Variants in DTNB observed in about 807,000 individuals in gnomAD.
DTNB encodes dystrobrevin beta.
A neutral mutation model predicts 90.7 loss-of-function variants in DTNB; 63 were observed. The ratio of observed to expected loss-of-function variants is 0.69; its 90% CI spans 0.57 to 0.86. DTNB has a LOEUF of 0.86. Among genes scored for constraint, DTNB ranks in the 40% least tolerant of loss-of-function variants. The pLI is 0.00. For missense variants in DTNB, 744 were observed against 807.1 expected, an observed-to-expected ratio of 0.92 and a Z score of 0.95; for synonymous variants, 277 against 286.7, an observed-to-expected ratio of 0.97 and a Z score of 0.34.
intron 9 of DTNB, among the ~76,000 whole-genome samples, chr2:25,503,262 G>A (rs955134714): frequency 2.0e-5 from 3 of 151,852 alleles, no homozygotes; most frequent in Admixed American, 1.3e-4. Flanking sequence ...GGTTGAGACA[G>A]GAGGATCACT....
intron 8 of DTNB, among the ~76,000 whole-genome samples, chr2:25,572,592 C>T (rs559653085): frequency 3.8e-4 from 57 of 151,978 alleles, no homozygotes; most frequent in African/African-American, 1.4e-3. Flanking sequence ...GCATACCCTC[C>T]AGAGGGGCTG....
intron 16 of DTNB, among the ~76,000 whole-genome samples, chr2:25,408,881 T>C (rs540415361): frequency 2.7e-4 from 41 of 152,306 alleles, no homozygotes; most frequent in Non-Finnish European, 5.4e-4. Context: ...AGCTTCATGA[T>C]TTGACGAAAT....
At chr2:25,668,735 G>A (rs1284093101) in intron 1 of DTNB, among the ~76,000 whole-genome samples, 1 of 152,180 alleles carries the variant, frequency 6.6e-6, no homozygotes, top group Non-Finnish European at 1.5e-5. Flanking sequence ...ATTCCATTAT[G>A]TATATTGTTT....
intron 9 of DTNB, among the ~76,000 whole-genome samples, chr2:25,509,746 C>CTTTTTTTTTTTTTT (rs36101268): frequency 1.2e-5 from 1 of 83,738 alleles, no homozygotes; most frequent in African/African-American, 4.9e-5. Flanking sequence ...CTTTTAGATT[C>CTTTTTTTTTTTTTT]TTTTTTTTTT....
intron 10 of DTNB, among the ~76,000 whole-genome samples, chr2:25,459,176 A>C (rs867867325): frequency 1.3e-5 from 2 of 152,038 alleles, no homozygotes; most frequent in African/African-American, 2.4e-5. Context: ...GTAGGTTTAT[A>C]GTTTTTAATG....
At chr2:25,544,509 CTCTT>C (rs2082024137) in intron 8 of DTNB, among the ~76,000 whole-genome samples, 1 of 152,202 alleles carries the variant, frequency 6.6e-6, no homozygotes, top group Non-Finnish European at 1.5e-5. Flanking sequence ...CAATTACTCT[CTCTT>C]TCTGAGCACA....
intron 15 of DTNB, among the ~76,000 whole-genome samples, chr2:25,427,190 C>G (rs2052027148): frequency 6.7e-6 from 1 of 149,642 alleles, no homozygotes; most frequent in South Asian, 2.1e-4. Flanking sequence ...AACACACACA[C>G]ACACACACAC....
intron 7 of DTNB, among the ~76,000 whole-genome samples, chr2:25,579,620 C>A (rs1354825128): frequency 1.3e-5 from 2 of 151,694 alleles, no homozygotes; most frequent in Admixed American, 6.6e-5. Flanking sequence ...GAGATAAGTA[C>A]CATTTTAACT....
At chr2:25,652,740 G>T in intron 1 of DTNB, 79 bp from the exon 2 acceptor site, 1 of 1,468,962 alleles carries the variant, frequency 6.8e-7, no homozygotes. Context: ...ATTGTGAAGA[G>T]GGACCGGAAA....
chr2:25,593,319 G>A (rs147442331), intron 6 of DTNB, among the ~76,000 whole-genome samples: 9 of 152,278 alleles, frequency 5.9e-5, no homozygotes, highest in East Asian at 1.9e-4. Context: ...ATCTGATGAC[G>A]TAAGAGCTGA....
At chr2:25,451,753 G>A (rs2059323864) in intron 11 of DTNB, 118 bp from the exon 12 acceptor site, 1 of 1,006,924 alleles carries the variant, frequency 9.9e-7, no homozygotes, top group African/African-American at 1.6e-5. Flanking sequence ...AAGAACTAGA[G>A]GCCTGGGTCA....
At chr2:25,509,261 C>G (rs1220737240) in intron 9 of DTNB, among the ~76,000 whole-genome samples, 1 of 152,142 alleles carries the variant, frequency 6.6e-6, no homozygotes, top group African/African-American at 2.4e-5. Flanking sequence ...AATGTTCAGT[C>G]TTTTAACATT....
chr2:25,567,168 T>A (rs909116041), intron 8 of DTNB, among the ~76,000 whole-genome samples: 1 of 152,176 alleles, frequency 6.6e-6, no homozygotes, highest in Non-Finnish European at 1.5e-5. Context: ...TAAAAAAAAA[T>A]TGTCTAGTTT....
intron 18 of DTNB, among the ~76,000 whole-genome samples, chr2:25,386,360 C>A (rs1427285988): frequency 6.6e-6 from 1 of 152,152 alleles, no homozygotes; most frequent in African/African-American, 2.4e-5. Flanking sequence ...GTGTTTGAAT[C>A]GTCCGTGGAA....
rs142731347 is a variant in DTNB at position 25,543,830 on chromosome 2, C to T, written c.877-12233G>A. Among the ~76,000 whole-genome samples the T allele has an allele frequency of 4.3e-3, 652 of 152,104 alleles. 4 individuals carry two copies. Among genetic ancestry groups the T allele is most frequent in the African/African-American group, 0.015 (611 of 41,478 alleles). ...CTTCTAGCAGCTACTTTTGTTGTTG[C>T]TGTTGTTAAAGTAACATTTATTGAG... On this transcript the variant is annotated intron_variant, in intron 8 of 20. Transcript: ENST00000406818.
At chr2:25,627,892 A>G (rs1188445930) in intron 4 of DTNB, among the ~76,000 whole-genome samples, 2 of 151,556 alleles carry the variant, frequency 1.3e-5, no homozygotes, top group South Asian at 2.1e-4. Flanking sequence ...GCCCACCACC[A>G]CGCCCGGCTA....
intron 7 of DTNB, 34 bp downstream of exon 7, chr2:25,580,687 G>T: frequency 6.4e-7 from 1 of 1,551,042 alleles, no homozygotes; most frequent in Non-Finnish European, 8.9e-7. Context: ...ACTTTCTATA[G>T]CATGCGGAAT....
At chr2:25,653,472 G>C (rs1032654752) in intron 1 of DTNB, among the ~76,000 whole-genome samples, 1 of 139,018 alleles carries the variant, frequency 7.2e-6, no homozygotes, top group Non-Finnish European at 1.5e-5. Flanking sequence ...AAACTGTTCA[G>C]AGCTTGCTTT....
chr2:25,435,496 G>A (rs1464857691), intron 12 of DTNB, among the ~76,000 whole-genome samples: 1 of 152,126 alleles, frequency 6.6e-6, no homozygotes, highest in Non-Finnish European at 1.5e-5. Context: ...ATACAATATT[G>A]ACCTTTTATG....
Sources: gnomAD v4.1 joint callset for allele counts (sites outside exome capture counted in the v4.1 genomes callset) on GRCh38, gnomAD v4.1.1 for gene constraint, MANE v1.5 for transcripts, NCBI Gene and HGNC (gene_info 2026-07-23, HGNC 2026-07-21) for gene names.